Variants in ROBO2 observed in about 807,000 individuals in gnomAD.
ROBO2 encodes roundabout guidance receptor 2, also known as roundabout homolog 2.
Under a neutral mutation model 160.8 loss-of-function variants are expected in ROBO2, and 53 were observed. The ratio of observed to expected loss-of-function variants is 0.33; its 90% CI spans 0.26 to 0.41. The LOEUF (loss-of-function observed/expected upper bound fraction) is 0.41, where lower values mean the gene tolerates loss of function less well. ROBO2 is among the 10% of genes least tolerant of loss of function. ROBO2 has a pLI of 1.00. For missense variants in ROBO2, 1,577 were observed against 1,722.4 expected (o/e 0.92, Z 1.49); for synonymous variants, 664 against 611.7 (o/e 1.09, Z -1.26).
At chr3:76,098,820 C>T (rs76338868) in intron 2 of ROBO2, among the ~76,000 whole-genome samples, 3,810 of 152,088 alleles carry the variant, frequency 0.025, 138 homozygotes, top group African/African-American at 0.08. Context: ...ATAAAAGTCT[C>T]GAGTTCATGT....
At chr3:77,344,221 G>T (rs980992832) in intron 2 of ROBO2, among the ~76,000 whole-genome samples, 13 of 152,132 alleles carry the variant, frequency 8.5e-5, no homozygotes, top group African/African-American at 2.9e-4. Context: ...GCCATGTGAA[G>T]ATCCAGGTAT....
intron 1 of ROBO2, among the ~76,000 whole-genome samples, chr3:77,090,431 G>A (rs566638619): frequency 3.7e-5 from 5 of 134,810 alleles, no homozygotes; most frequent in African/African-American, 1.4e-4. Context: ...TCGGCTCATT[G>A]CAAGCTCCGT....
At chr3:76,640,256 C>T (rs745924143) in intron 2 of ROBO2, among the ~76,000 whole-genome samples, 1 of 152,080 alleles carries the variant, frequency 6.6e-6, no homozygotes, top group Admixed American at 6.6e-5. Context: ...CAGGGCCGGG[C>T]GCGGTGGCTC....
intron 2 of ROBO2, among the ~76,000 whole-genome samples, chr3:76,188,557 T>G (rs1701867185): frequency 6.6e-6 from 1 of 151,796 alleles, no homozygotes; most frequent in Non-Finnish European, 1.5e-5. Flanking sequence ...CCCTCTAGAG[T>G]TGTGAGGGAA....
intron 2 of ROBO2, among the ~76,000 whole-genome samples, chr3:77,119,422 T>C (rs1205380548): frequency 6.6e-6 from 1 of 152,196 alleles, no homozygotes; most frequent in Non-Finnish European, 1.5e-5. Flanking sequence ...GAAACATCAT[T>C]ACATGGTGTA....
chr3:75,939,911 T>C (rs1947966849), intron 2 of ROBO2, among the ~76,000 whole-genome samples: 2 of 152,144 alleles, frequency 1.3e-5, no homozygotes, highest in African/African-American at 4.8e-5. Context: ...TAAGGTTTTC[T>C]CTCTATTAAG....
intron 2 of ROBO2, among the ~76,000 whole-genome samples, chr3:76,569,709 T>G (rs1473881356): frequency 6.6e-6 from 1 of 152,180 alleles, no homozygotes; most frequent in East Asian, 1.9e-4. Context: ...AGAACCATCC[T>G]TGAGAATCCA....
intron 2 of ROBO2, among the ~76,000 whole-genome samples, chr3:76,676,439 C>G (rs2092410683): frequency 6.6e-6 from 1 of 152,158 alleles, no homozygotes; most frequent in Non-Finnish European, 1.5e-5. Context: ...TTATAACTGC[C>G]TCTTCTTGGG....
intron 2 of ROBO2, among the ~76,000 whole-genome samples, chr3:77,241,219 T>C (rs1217808657): frequency 6.6e-6 from 1 of 152,230 alleles, no homozygotes; most frequent in Non-Finnish European, 1.5e-5. Context: ...AAGATAGTAA[T>C]AGCAAAATCT....
chr3:76,555,401 A>AGAC (rs1560141186), intron 2 of ROBO2, among the ~76,000 whole-genome samples: 52 of 72,802 alleles, frequency 7.1e-4, no homozygotes, highest in South Asian at 4.5e-3. Flanking sequence ...AAGAAGAAGA[A>AGAC]GAAGAAGAAG....
intron 2 of ROBO2, among the ~76,000 whole-genome samples, chr3:77,435,513 A>T (rs939043899): frequency 4.6e-5 from 7 of 151,852 alleles, no homozygotes; most frequent in Admixed American, 1.3e-4. Context: ...ACAATTTCAA[A>T]TTTTTTTTCC....
intron 2 of ROBO2, among the ~76,000 whole-genome samples, chr3:76,386,609 G>A (rs1310145003): frequency 6.6e-6 from 1 of 152,036 alleles, no homozygotes; most frequent in African/African-American, 2.4e-5. Flanking sequence ...TGATCCTAGT[G>A]TGGCAGATGT....
chr3:76,049,424 T>TTTTTTTTTG (rs2067579345), intron 2 of ROBO2, among the ~76,000 whole-genome samples: 1 of 124,210 alleles, frequency 8.1e-6, no homozygotes, highest in South Asian at 2.5e-4. Flanking sequence ...TTTTTTTTTT[T>TTTTTTTTTG]GTAGAGACAG....
intron 24 of ROBO2, among the ~76,000 whole-genome samples, chr3:77,637,043 A>G (rs1253479195): frequency 6.6e-6 from 1 of 152,242 alleles, no homozygotes; most frequent in Non-Finnish European, 1.5e-5. Flanking sequence ...TTATCCTAAC[A>G]TAGTTCAATT....
intron 2 of ROBO2, among the ~76,000 whole-genome samples, chr3:76,089,551 A>C (rs1227151412): frequency 2.0e-5 from 3 of 152,172 alleles, no homozygotes; most frequent in African/African-American, 7.2e-5. Flanking sequence ...AATGTAACCC[A>C]TCACATCAAC....
chr3:76,937,612 T>A (rs897026601), intron 2 of ROBO2, among the ~76,000 whole-genome samples: 1 of 149,972 alleles, frequency 6.7e-6, no homozygotes, highest in Admixed American at 6.6e-5. Flanking sequence ...GAAAACTATC[T>A]TTGCATATGT....
In ROBO2 at chr3:76,215,778, G is replaced by A. The variant is rs1189323737; in HGVS notation, c.109+278176G>A. On this transcript the variant is annotated intron_variant, in intron 2 of 26. Transcript: ENST00000487694. ...AGAACTTCCCCAATCTAGCAAGGCA[G>A]GCCAACATTCAAATTCAGGAAATAC... 2.0e-5 allele frequency among the ~76,000 whole-genome samples: 3 copies of A among 152,234 alleles called. No individual in the cohort carries two copies. In the East Asian group the frequency reaches 5.8e-4, roughly 29 times the overall value.
chr3:75,942,880 C>T (rs1054994112), intron 2 of ROBO2, among the ~76,000 whole-genome samples: 2 of 151,816 alleles, frequency 1.3e-5, no homozygotes, highest in African/African-American at 4.8e-5. Flanking sequence ...AGATACTTTC[C>T]AGACATCTGA....
chr3:77,444,976 C>G (rs1012700738), intron 2 of ROBO2, among the ~76,000 whole-genome samples: 3 of 152,144 alleles, frequency 2.0e-5, no homozygotes, highest in Admixed American at 2.0e-4. Flanking sequence ...AGTACCCAAG[C>G]TGATTTGGTG....
Sources: gnomAD v4.1 joint callset for allele counts (sites outside exome capture counted in the v4.1 genomes callset) on GRCh38, gnomAD v4.1.1 for gene constraint, MANE v1.5 for transcripts, NCBI Gene and HGNC (gene_info 2026-07-23, HGNC 2026-07-21) for gene names.